Variants in CCDC150 observed in about 807,000 individuals in gnomAD.
The protein encoded by CCDC150 is coiled-coil domain-containing protein 150.
In CCDC150, 151 loss-of-function variants were observed where a neutral mutation model predicts 156.5. That is an observed-to-expected ratio of 0.97 (90% CI 0.85 to 1.10). CCDC150 has a LOEUF of 1.10. Ranked by LOEUF, CCDC150 falls within the 50% of genes least tolerant of loss-of-function variation. The pLI, the probability that CCDC150 is intolerant of heterozygous loss-of-function variation, is 0.00. For missense variants in CCDC150, 1,312 were observed against 1,268.1 expected (o/e 1.03, Z -0.53); for synonymous variants, 452 against 429.4 (o/e 1.05, Z -0.65).
At chr2:196,708,410 G>T (rs918109978) in intron 15 of CCDC150, among the ~76,000 whole-genome samples, 4 of 152,162 alleles carry the variant, frequency 2.6e-5, no homozygotes, top group African/African-American at 9.7e-5. Context: ...CTCTAAACGT[G>T]AGATGGGTCT....
intron 13 of CCDC150, among the ~76,000 whole-genome samples, chr2:196,680,309 A>T (rs1410725237): frequency 6.7e-6 from 1 of 149,534 alleles, no homozygotes; most frequent in African/African-American, 2.5e-5. Flanking sequence ...GGTTCATTTC[A>T]TTTTTTTTTC....
At position 196,665,654 on chromosome 2, in the gene CCDC150, G is replaced by T. The variant is rs1339747961; in HGVS notation, c.733G>T (p.Gly245Ter). Reference sequence around the variant, plus strand: ...CATGCTCCTCAAAATACAAGAAATGGGATCAACAGTGGAGGTAGAACGAAA... The same window carrying T: ...CATGCTCCTCAAAATACAAGAAATGTGATCAACAGTGGAGGTAGAACGAAA... ...SAMLLKIQEM[G>*]STVEVERKQV... Residue 245 changes from glycine (G) to a stop codon, truncating the protein, a stop_gained, in exon 6 of 28, where the codon GGA becomes TGA. Transcript: ENST00000389175. LOFTEE classifies it high-confidence loss of function. The T allele has an allele frequency of 6.2e-7, 1 of 1,600,024 alleles. No individual in the cohort carries two copies. Among genetic ancestry groups the T allele is most frequent in the Non-Finnish European group, 8.5e-7 (1 of 1,173,178 alleles).
chr2:196,718,562 T>C lies in CCDC150; in HGVS notation c.1926T>C (p.Asn642=). The C allele has an allele frequency of 1.9e-6, 3 of 1,613,816 alleles. No individual in the cohort carries two copies. Among genetic ancestry groups the C allele is most frequent in the Non-Finnish European group, 2.5e-6 (3 of 1,179,818 alleles). ...EELSRTVKCR[N]AALKESQKLK... ...TGTCCCGAACAGTGAAGTGTCGTAA[T>C]GCGGCCCTGAAAGAGAGTCAGAAGT... The change falls in exon 18 of 28, where the codon AAT becomes AAC. Residue 642 remains asparagine, a synonymous_variant. Transcript: ENST00000389175.
chr2:196,722,728 G>A lies in CCDC150; in HGVS notation c.2429+1037G>A, dbSNP rs912930644. Among the ~76,000 whole-genome samples, 117 of 152,178 alleles carry A rather than the reference G, an allele frequency of 7.7e-4. 1 individual carries two copies. Among genetic ancestry groups the A allele is most frequent in the South Asian group, 4.2e-4 (2 of 4,812 alleles). On this transcript the variant is annotated intron_variant, in intron 21 of 27. Coordinates refer to ENST00000389175, the MANE Select transcript of CCDC150 (RefSeq NM_001080539.2). ...TAAGACTGTTCCATATTGTGTTTATGTAGTCGTTGGCAGCATCATTTAAAA... is the reference window on the plus strand; with the variant it reads ...TAAGACTGTTCCATATTGTGTTTATATAGTCGTTGGCAGCATCATTTAAAA...
intron 18 of CCDC150, chr2:196,719,278 T>C: frequency 2.5e-6 from 1 of 393,982 alleles, no homozygotes. Context: ...GTTGGGAAGC[T>C]GCAGAGTTCA....
intron 5 of CCDC150, among the ~76,000 whole-genome samples, chr2:196,662,753 A>G (rs1693627504): frequency 1.3e-5 from 2 of 151,794 alleles, no homozygotes; most frequent in African/African-American, 4.8e-5. Flanking sequence ...ACATGGCAAA[A>G]CCCCATTTCT....
intron 21 of CCDC150, among the ~76,000 whole-genome samples, chr2:196,725,092 AG>A (rs1698135230): frequency 6.6e-6 from 1 of 152,178 alleles, no homozygotes; most frequent in African/African-American, 2.4e-5. Flanking sequence ...GTGCTTTTAG[AG>A]ACACGTGGAG....
intron 14 of CCDC150, 78 bp from the exon 15 acceptor site, chr2:196,701,031 G>T: frequency 1.1e-6 from 1 of 890,132 alleles, no homozygotes; most frequent in Non-Finnish European, 1.8e-6. Context: ...TGGTAAGGAT[G>T]TAAATACTTG....
chr2:196,713,174 T>G, intron 17 of CCDC150: 1 of 960,810 alleles, frequency 1.0e-6, no homozygotes, highest in East Asian at 2.9e-5. Flanking sequence ...AAGGTCTGTT[T>G]CTTTGCTGGG....
intron 15 of CCDC150, among the ~76,000 whole-genome samples, chr2:196,710,557 A>G (rs1697039659): frequency 6.6e-6 from 1 of 152,218 alleles, no homozygotes; most frequent in Non-Finnish European, 1.5e-5. Flanking sequence ...CTCTGTGAAA[A>G]TGCAGAAATC....
intron 12 of CCDC150, 114 bp from the exon 13 acceptor site, chr2:196,677,179 G>A (rs1201655001): frequency 6.7e-6 from 5 of 751,570 alleles, no homozygotes; most frequent in Non-Finnish European, 9.6e-6. Context: ...GAGAGGATGT[G>A]CTATCTCTGC....
chr2:196,698,847 C>G (rs2125659894), intron 14 of CCDC150, among the ~76,000 whole-genome samples: 2 of 152,302 alleles, frequency 1.3e-5, no homozygotes, highest in South Asian at 4.1e-4. Flanking sequence ...CCCCTCTCCC[C>G]ACCCGGCAAC....
chr2:196,652,499 T>C (rs1297807678), intron 2 of CCDC150, among the ~76,000 whole-genome samples: 2 of 152,280 alleles, frequency 1.3e-5, no homozygotes, highest in Non-Finnish European at 2.9e-5. Context: ...GTATGCCAGA[T>C]GGGCCCCCAA....
chr2:196,727,690 A>C (rs1291870520), intron 22 of CCDC150: 1 of 152,188 alleles, frequency 6.6e-6, no homozygotes, highest in Non-Finnish European at 1.5e-5. Flanking sequence ...CTAAATGTAG[A>C]AATGTACCTT....
intron 21 of CCDC150, among the ~76,000 whole-genome samples, chr2:196,725,200 C>T (rs1202700683): frequency 2.0e-5 from 3 of 152,140 alleles, no homozygotes; most frequent in Non-Finnish European, 2.9e-5. Flanking sequence ...TTCTCCTATC[C>T]TTTGAGAAAG....
chr2:196,692,988 C>G (rs1695588033), intron 13 of CCDC150, among the ~76,000 whole-genome samples: 1 of 152,156 alleles, frequency 6.6e-6, no homozygotes, highest in South Asian at 2.1e-4. Context: ...CTTTGTGAAT[C>G]TGGGTGCTCC....
chr2:196,713,032 A>G (rs1697240821), intron 17 of CCDC150: 1 of 469,898 alleles, frequency 2.1e-6, no homozygotes, highest in African/African-American at 2.0e-5. Flanking sequence ...CTGGTAACCA[A>G]GGAACTAAAA....
rs193029652 is a variant in CCDC150 at position 196,646,980 on chromosome 2, T to C, written c.176+476T>C. 1.1e-3 allele frequency among the ~76,000 whole-genome samples: 164 copies of C among 152,268 alleles called. No individual in the cohort carries two copies. The Middle Eastern group carries it at 0.02, about 19-fold the overall frequency. On this transcript the variant is annotated intron_variant, in intron 2 of 27. Coordinates refer to ENST00000389175, the MANE Select transcript of CCDC150 (RefSeq NM_001080539.2). ...ATACTAAAAAACAATTTTTTTCCCC[T>C]AGTGCTTCTAAAGAAGTTATTAAAA...
chr2:196,691,614 G>C (rs1695478394), intron 13 of CCDC150, among the ~76,000 whole-genome samples: 1 of 150,254 alleles, frequency 6.7e-6, no homozygotes, highest in South Asian at 2.1e-4. Context: ...TTATTTATTA[G>C]TCTAGCTAGA....
Sources: allele counts gnomAD v4.1 joint callset (sites outside exome capture counted in the v4.1 genomes callset), GRCh38; gene constraint gnomAD v4.1.1; transcripts MANE v1.5; gene names NCBI Gene and HGNC (gene_info 2026-07-23, HGNC 2026-07-21).